The following ST6GALNAC3 variants were observed in gnomAD, a reference collection of about 807,000 sequenced individuals.
The protein encoded by ST6GALNAC3 is ST6 N-acetylgalactosaminide alpha-2,6-sialyltransferase 3, also known as alpha-N-acetylgalactosaminide alpha-2,6-sialyltransferase 3.
In ST6GALNAC3, 25 loss-of-function variants were observed where a neutral mutation model predicts 32.7. That is an observed-to-expected ratio of 0.76 (90% CI 0.56 to 1.07). The LOEUF is 1.07. Ranked by LOEUF, ST6GALNAC3 falls within the 50% of genes least tolerant of loss-of-function variation. The pLI, the probability that ST6GALNAC3 is intolerant of heterozygous loss-of-function variation, is 0.00. For synonymous variants in ST6GALNAC3, 129 were observed against 133.1 expected, an observed-to-expected ratio of 0.97 and a Z score of 0.21; for missense variants, 355 against 382.4, an observed-to-expected ratio of 0.93 and a Z score of 0.60.
intron 1 of ST6GALNAC3, among the ~76,000 whole-genome samples, chr1:76,213,478 A>G (rs1387167160): frequency 6.6e-6 from 1 of 152,212 alleles, no homozygotes; most frequent in Non-Finnish European, 1.5e-5. Context: ...AATTTTTAAA[A>G]GTTTCATGAT....
chr1:76,256,630 CA>C (rs577506743), intron 1 of ST6GALNAC3, among the ~76,000 whole-genome samples: 158 of 150,582 alleles, frequency 1.0e-3, no homozygotes, highest in Non-Finnish European at 1.9e-3. Flanking sequence ...TGAATTTTGC[CA>C]GGGGGGTGGG....
At chr1:76,138,641 G>C (rs1332139984) in intron 1 of ST6GALNAC3, among the ~76,000 whole-genome samples, 2 of 152,112 alleles carry the variant, frequency 1.3e-5, no homozygotes, top group African/African-American at 4.8e-5. Flanking sequence ...ACAAGTATTT[G>C]TATACTTTTT....
At chr1:76,255,551 A>G (rs1029210449) in intron 1 of ST6GALNAC3, among the ~76,000 whole-genome samples, 1 of 152,128 alleles carries the variant, frequency 6.6e-6, no homozygotes, top group Non-Finnish European at 1.5e-5. Context: ...GCCCTTGCGT[A>G]TATTTTGTTC....
At chr1:76,495,958 C>A (rs777484278) in intron 3 of ST6GALNAC3, among the ~76,000 whole-genome samples, 5 of 152,152 alleles carry the variant, frequency 3.3e-5, no homozygotes, top group Non-Finnish European at 5.9e-5. Context: ...GCAATCTGGG[C>A]AAACCAATTA....
intron 1 of ST6GALNAC3, among the ~76,000 whole-genome samples, chr1:76,125,075 G>A (rs538191391): frequency 2.7e-3 from 410 of 152,096 alleles, no homozygotes; most frequent in Non-Finnish European, 3.5e-3. Flanking sequence ...TTTACTTTTT[G>A]TTAATGTAAC....
chr1:76,504,592 A>C (rs900212686), intron 3 of ST6GALNAC3, among the ~76,000 whole-genome samples: 1 of 152,196 alleles, frequency 6.6e-6, no homozygotes, highest in Non-Finnish European at 1.5e-5. Flanking sequence ...GTATACAAGA[A>C]ACCCAACTGA....
At chr1:76,248,275 C>T (rs1657421553) in intron 1 of ST6GALNAC3, among the ~76,000 whole-genome samples, 1 of 152,156 alleles carries the variant, frequency 6.6e-6, no homozygotes, top group South Asian at 2.1e-4. Context: ...GTCCCTCTCT[C>T]GCCAGATGCC....
intron 3 of ST6GALNAC3, among the ~76,000 whole-genome samples, chr1:76,544,294 A>G (rs1664162453): frequency 6.6e-6 from 1 of 152,128 alleles, no homozygotes; most frequent in Non-Finnish European, 1.5e-5. Context: ...AGAGTAATAA[A>G]AAGTAACTAA....
intron 3 of ST6GALNAC3, among the ~76,000 whole-genome samples, chr1:76,505,761 C>T (rs1240797573): frequency 1.3e-5 from 2 of 152,026 alleles, no homozygotes; most frequent in African/African-American, 4.8e-5. Context: ...CATGGAGAGC[C>T]CTAGGCTACA....
At chr1:76,099,006 C>T (rs1159139325) in intron 1 of ST6GALNAC3, among the ~76,000 whole-genome samples, 1 of 152,094 alleles carries the variant, frequency 6.6e-6, no homozygotes, top group Admixed American at 6.5e-5. Context: ...ATTTTCCTGG[C>T]ATCTTTCATT....
chr1:76,135,684 G>T (rs750732136), intron 1 of ST6GALNAC3, among the ~76,000 whole-genome samples: 2 of 152,148 alleles, frequency 1.3e-5, no homozygotes, highest in Non-Finnish European at 2.9e-5. Context: ...CAGGTGAGGG[G>T]CCCCATAGTG....
intron 1 of ST6GALNAC3, among the ~76,000 whole-genome samples, chr1:76,128,986 C>T (rs1406791638): frequency 6.6e-6 from 1 of 152,212 alleles, no homozygotes; most frequent in East Asian, 1.9e-4. Flanking sequence ...GGCCATCTGT[C>T]CTAACCCAAG....
chr1:76,321,252 T>G (rs1295251765), intron 2 of ST6GALNAC3, among the ~76,000 whole-genome samples: 1 of 152,098 alleles, frequency 6.6e-6, no homozygotes, highest in African/African-American at 2.4e-5. Flanking sequence ...GTGGTAAAGC[T>G]GTTGGGATGT....
At chr1:76,309,829 C>T (rs1028890686) in intron 1 of ST6GALNAC3, 2 of 397,784 alleles carry the variant, frequency 5.0e-6, no homozygotes, top group Non-Finnish European at 1.0e-5. Context: ...TGGTTGCTCC[C>T]TTCACCCTCT....
chr1:76,348,919 A>G (rs1648740326), intron 2 of ST6GALNAC3, among the ~76,000 whole-genome samples: 1 of 152,210 alleles, frequency 6.6e-6, no homozygotes, highest in Non-Finnish European at 1.5e-5. Flanking sequence ...CCTGGCTCAT[A>G]GTACATACTC....
intron 2 of ST6GALNAC3, among the ~76,000 whole-genome samples, chr1:76,377,794 T>G (rs960685809): frequency 4.6e-5 from 7 of 152,194 alleles, no homozygotes; most frequent in Non-Finnish European, 5.9e-5. Context: ...TTGTGAAGAT[T>G]CTCAACATGT....
At chr1:76,406,710 T>G (rs921625200) in intron 2 of ST6GALNAC3, among the ~76,000 whole-genome samples, 1 of 152,020 alleles carries the variant, frequency 6.6e-6, no homozygotes, top group Non-Finnish European at 1.5e-5. Context: ...ATATTAAGAA[T>G]AGTGAAAATC....
rs1279052484 is a variant in ST6GALNAC3 at position 76,138,087 on chromosome 1, G to A, written c.18+63203G>A. Among the ~76,000 whole-genome samples the A allele has an allele frequency of 2.0e-5, 3 of 152,182 alleles. No homozygotes were observed. The East Asian group carries it at 5.8e-4, about 29-fold the overall frequency. Reference sequence around the variant, plus strand: ...GCATCATGACATGTCCTCAGGATATGGAGATAAAATACTTCATTTTTGCTC... The same window carrying A: ...GCATCATGACATGTCCTCAGGATATAGAGATAAAATACTTCATTTTTGCTC... On this transcript the variant is annotated intron_variant, in intron 1 of 4. Coordinates refer to ENST00000328299, the MANE Select transcript of ST6GALNAC3 (RefSeq NM_152996.4).
In ST6GALNAC3 at chr1:76,123,552, AG is replaced by A. The variant is rs199642034; in HGVS notation, c.18+48673del. On this transcript the variant is annotated intron_variant, in intron 1 of 4. Transcript: ENST00000328299. Reference sequence around the variant, plus strand: ...GTGCATTTTTTGTGTGTGGCCAGTAAGGGGGTAGGTATAGTGCTTGGTCAGG... The same window carrying A: ...GTGCATTTTTTGTGTGTGGCCAGTAAGGGGTAGGTATAGTGCTTGGTCAGG... Among the ~76,000 whole-genome samples the A allele has an allele frequency of 5.6e-3, 853 of 152,098 alleles. 8 individuals carry two copies. The highest frequency in any genetic ancestry group is 0.02 in the African/African-American group (812 of 41,484).
Sources: gnomAD v4.1 joint callset for allele counts (sites outside exome capture counted in the v4.1 genomes callset) on GRCh38, gnomAD v4.1.1 for gene constraint, MANE v1.5 for transcripts, NCBI Gene and HGNC (gene_info 2026-07-23, HGNC 2026-07-21) for gene names.